The following PCDH17 variants were observed in gnomAD, a reference collection of about 807,000 sequenced individuals.
PCDH17 encodes protocadherin-17.
PCDH17 carries 21 observed loss-of-function variants against 67.7 expected under a neutral mutation model. The observed-to-expected ratio is 0.31, with a 90% CI of 0.22 to 0.45. The LOEUF (loss-of-function observed/expected upper bound fraction) is 0.45. PCDH17 is among the 20% of genes least tolerant of loss of function. The pLI, the probability that PCDH17 is intolerant of heterozygous loss-of-function variation, is 1.00. For synonymous variants in PCDH17, 701 were observed against 656.7 expected (o/e 1.07, Z -1.03); for missense variants, 1,471 against 1,564.8 (o/e 0.94, Z 1.01).
At chr13:57,652,578 G>A (rs952082638) in intron 1 of PCDH17, among the ~76,000 whole-genome samples, 6 of 152,128 alleles carry the variant, frequency 3.9e-5, no homozygotes, top group Non-Finnish European at 7.4e-5. Context: ...CTTTTAGGAA[G>A]GAAAGCTTGT....
chr13:57,711,594 A>G (rs1955776782), intron 3 of PCDH17, among the ~76,000 whole-genome samples: 1 of 151,832 alleles, frequency 6.6e-6, no homozygotes, highest in Non-Finnish European at 1.5e-5. Flanking sequence ...ATTTTCTCAA[A>G]GTGTCAAGAT....
chr13:57,674,244 A>G (rs896362096), intron 3 of PCDH17, among the ~76,000 whole-genome samples: 1 of 152,008 alleles, frequency 6.6e-6, no homozygotes. Context: ...TGTATCTTTC[A>G]AGTAAATATC....
At chr13:57,707,598 A>G (rs1955733101) in intron 3 of PCDH17, among the ~76,000 whole-genome samples, 1 of 152,030 alleles carries the variant, frequency 6.6e-6, no homozygotes, top group Admixed American at 6.6e-5. Flanking sequence ...CAGTAGCAAA[A>G]TTAGTAATGG....
At chr13:57,683,733 GTA>G (rs1335125211) in intron 3 of PCDH17, among the ~76,000 whole-genome samples, 1 of 151,764 alleles carries the variant, frequency 6.6e-6, no homozygotes, top group African/African-American at 2.4e-5. Context: ...TCCTATTACT[GTA>G]CCCAGAAGAC....
chr13:57,630,156 A>T (rs1270584153), upstream of PCDH17, among the ~76,000 whole-genome samples: 2 of 152,212 alleles, frequency 1.3e-5, no homozygotes, highest in African/African-American at 4.8e-5. Context: ...AGCCCGGCGG[A>T]TGCGGCAGCG....
intron 3 of PCDH17, among the ~76,000 whole-genome samples, chr13:57,704,770 G>A (rs1955703749): frequency 6.6e-6 from 1 of 152,082 alleles, no homozygotes; most frequent in South Asian, 2.1e-4. Context: ...ATATTTTATT[G>A]CATTTGTGTG....
intron 3 of PCDH17, among the ~76,000 whole-genome samples, chr13:57,713,927 T>G (rs1420455542): frequency 1.3e-5 from 2 of 151,608 alleles, no homozygotes; most frequent in East Asian, 1.9e-4. Flanking sequence ...TTGAAAATAC[T>G]TGTCTGAGCA....
intron 3 of PCDH17, among the ~76,000 whole-genome samples, chr13:57,710,419 C>G (rs1370884160): frequency 1.3e-5 from 2 of 151,768 alleles, no homozygotes; most frequent in Non-Finnish European, 2.9e-5. Flanking sequence ...GCTAATGAAG[C>G]TAAATATTTA....
intron 1 of PCDH17, among the ~76,000 whole-genome samples, chr13:57,638,819 T>C (rs973610681): frequency 4.6e-5 from 7 of 151,974 alleles, no homozygotes; most frequent in Non-Finnish European, 1.0e-4. Flanking sequence ...CCATCTTTAA[T>C]AGCAACATTA....
intron 1 of PCDH17, among the ~76,000 whole-genome samples, chr13:57,652,225 C>T (rs1955050621): frequency 6.8e-6 from 1 of 147,206 alleles, no homozygotes; most frequent in South Asian, 2.1e-4. Flanking sequence ...TTGCAGTGAG[C>T]CGAGATTGCG....
intron 1 of PCDH17, among the ~76,000 whole-genome samples, chr13:57,638,889 C>T (rs946028181): frequency 6.6e-6 from 1 of 151,962 alleles, no homozygotes; most frequent in Admixed American, 6.6e-5. Context: ...ACTATGGGGA[C>T]TTATTCAGAT....
rs1954736953 is a variant in PCDH17 at position 57,632,410 on chromosome 13, GT to G, written c.-136del. 2 of 817,654 alleles carry G rather than the reference GT, an allele frequency of 2.4e-6. No individual in the cohort carries two copies. Among genetic ancestry groups the G allele is most frequent in the African/African-American group, 3.5e-5 (2 of 57,362 alleles). 50.6% of individuals were successfully genotyped at this position (817,654 alleles called of 1,614,324 possible). On this transcript the variant is annotated 5_prime_UTR_variant, in exon 1 of 4. Transcript: ENST00000377918. Reference sequence around the variant, plus strand: ...GAGACCACCGGGTGCCGCAGCTCGGGTGCAGAGGGAAAAAAGGACCCATAGA... The same window carrying G: ...GAGACCACCGGGTGCCGCAGCTCGGGGCAGAGGGAAAAAAGGACCCATAGA...
At chr13:57,649,137 A>T (rs890921407) in intron 1 of PCDH17, among the ~76,000 whole-genome samples, 12 of 152,188 alleles carry the variant, frequency 7.9e-5, no homozygotes, top group Non-Finnish European at 1.3e-4. Flanking sequence ...ACACAGCTTA[A>T]CCTTGTAATC....
intron 3 of PCDH17, among the ~76,000 whole-genome samples, chr13:57,669,660 A>G (rs1305997476): frequency 6.6e-6 from 1 of 152,068 alleles, no homozygotes; most frequent in Non-Finnish European, 1.5e-5. Context: ...CAAACTCTAA[A>G]AAGTTTTTAT....
rs1398109904 is a variant in PCDH17 at position 57,634,927 on chromosome 13, C to T, written c.2381C>T (p.Ser794Phe). 1 of 1,613,830 alleles carries T rather than the reference C, an allele frequency of 6.2e-7. No homozygotes were observed. The highest frequency in any genetic ancestry group is 1.1e-5 in the South Asian group (1 of 91,060). ...NVVSSPSLAT[S>F]PMYFDYQTRL... The stretch of plus-strand genomic sequence containing the variant: ...GTGAGCAGCCCCTCCCTGGCCACCT[C>T]CCCCATGTACTTCGACTACCAGACC... The change falls in exon 1 of 4, where the codon TCC (serine) becomes TTC (phenylalanine). Residue 794 changes from serine (S) to phenylalanine (F), a missense_variant. By Grantham distance (155) the Ser-to-Phe change is radical. Coordinates refer to ENST00000377918, the MANE Select transcript of PCDH17 (RefSeq NM_001040429.3). The surrounding 1 kb of genome is among the most constrained non-coding windows in gnomAD (Gnocchi z 7.8).
At chr13:57,720,138 T>C in intron 3 of PCDH17, among the ~76,000 whole-genome samples, 1 of 152,024 alleles carries the variant, frequency 6.6e-6, no homozygotes, top group South Asian at 2.1e-4. Context: ...GAAGGTATAT[T>C]TTGTCACAAA....
Position 57,634,718 on chromosome 13 carries a change from C to T in PCDH17, c.2172C>T (p.Ile724=), listed in dbSNP as rs866213024. ...TISIILLAAM[I]TIAVKCKREN... Reference sequence around the variant, plus strand: ...CCATCATCCTCCTAGCGGCCATGATCACCATCGCCGTCAAGTGCAAGCGCG... The same window carrying T: ...CCATCATCCTCCTAGCGGCCATGATTACCATCGCCGTCAAGTGCAAGCGCG... The change falls in exon 1 of 4, where the codon ATC becomes ATT. Residue 724 remains isoleucine, a synonymous_variant. Transcript: ENST00000377918. The surrounding 1 kb of genome is among the most constrained non-coding windows in gnomAD (Gnocchi z 7.8). The T allele has an allele frequency of 6.2e-7, 1 of 1,613,988 alleles. No individual in the cohort carries two copies. Among genetic ancestry groups the T allele is most frequent in the East Asian group, 2.2e-5 (1 of 44,846 alleles).
Position 57,725,528 on chromosome 13 carries a change from C to G in PCDH17, c.*234C>G. The G allele has an allele frequency of 4.8e-6, 2 of 416,010 alleles. No individual in the cohort carries two copies. Among genetic ancestry groups the G allele is most frequent in the Non-Finnish European group, 4.2e-6 (1 of 235,306 alleles). The allele number at this position is 416,010 out of a possible 1,614,324, so 25.8% of individuals were successfully genotyped here. ...TTGTATTAGGACAGAATTAATGATG[C>G]TTAAAGAGAAAAGAAAAAAAGAGAG... On this transcript the variant is annotated 3_prime_UTR_variant, in exon 4 of 4. Transcript: ENST00000377918.
Position 57,688,540 on chromosome 13 carries a change from T to C in PCDH17, c.2797+21707T>C, listed in dbSNP as rs566892961. 4.8e-4 allele frequency among the ~76,000 whole-genome samples: 73 copies of C among 152,216 alleles called. 1 individual carries two copies. In the Middle Eastern group the frequency reaches 0.014, roughly 28 times the overall value. ...AATTCAAATTTTGTGTTTTGATTTG[T>C]ATGTGTGTGCACATGTTTGTTTTCA... is the stretch of plus-strand genomic sequence containing the variant. On this transcript the variant is annotated intron_variant, in intron 3 of 3. Coordinates refer to ENST00000377918, the MANE Select transcript of PCDH17 (RefSeq NM_001040429.3).
Sources: gnomAD v4.1 joint callset for allele counts (sites outside exome capture counted in the v4.1 genomes callset) on GRCh38, gnomAD v4.1.1 for gene constraint, Gnocchi (gnomAD v3.1) non-coding constraint, MANE v1.5 for transcripts, NCBI Gene and HGNC (gene_info 2026-07-23, HGNC 2026-07-21) for gene names.